DCDC1: variants seen among roughly 807,000 people sequenced by gnomAD.
The protein encoded by DCDC1 is doublecortin domain containing 1, also known as doublecortin domain-containing protein 1.
A neutral mutation model predicts 178.3 loss-of-function variants in DCDC1; 200 were observed. The ratio of observed to expected loss-of-function variants is 1.12; its 90% CI spans 1.00 to 1.26. The LOEUF (loss-of-function observed/expected upper bound fraction) is 1.26. DCDC1 is among the 50% of genes most tolerant of loss of function. The pLI is 0.00. For synonymous variants in DCDC1, 690 were observed against 604.8 expected (o/e 1.14, Z -2.07); for missense variants, 1,983 against 1,749.2 (o/e 1.13, Z -2.38).
chr11:30,924,496 T>G (rs1351503515), intron 23 of DCDC1, among the ~76,000 whole-genome samples: 1 of 152,152 alleles, frequency 6.6e-6, no homozygotes, highest in African/African-American at 2.4e-5. Flanking sequence ...TGCCTCAAAT[T>G]CTATAAATGA....
At chr11:30,975,634 A>G (rs976693367) in intron 20 of DCDC1, among the ~76,000 whole-genome samples, 1 of 152,046 alleles carries the variant, frequency 6.6e-6, no homozygotes, top group Non-Finnish European at 1.5e-5. Flanking sequence ...ATAAAATAAA[A>G]TACCTAGCAA....
At chr11:31,027,990 C>T (rs146256730) in intron 20 of DCDC1, among the ~76,000 whole-genome samples, 3 of 151,800 alleles carry the variant, frequency 2.0e-5, no homozygotes, top group East Asian at 3.9e-4. Context: ...TATTATTACA[C>T]TCAAGATTTA....
chr11:30,960,041 G>C (rs944191544), intron 20 of DCDC1, among the ~76,000 whole-genome samples: 11 of 152,044 alleles, frequency 7.2e-5, no homozygotes, highest in African/African-American at 2.7e-4. Flanking sequence ...AAAAGACACG[G>C]GTGAGGAGCA....
rs772901738 is a variant in DCDC1, at chr11:31,106,970, G to A, written c.1588-10C>T. 1 of 763,406 alleles carries A rather than the reference G, an allele frequency of 1.3e-6. No individual in the cohort carries two copies. The highest frequency in any genetic ancestry group is 1.3e-5 in the South Asian group (1 of 74,224). 47.3% of individuals were successfully genotyped at this position (763,406 alleles called of 1,614,324 possible). A position where few individuals can be genotyped will look rare whatever the true frequency, so the allele number is the denominator to read the frequency against. ...GAATCTTGAGAAGTAACTGGTTGGG[G>A]GTTAGAGGGGCAGAGGGGATAGAGG... On this transcript the variant is annotated splice_polypyrimidine_tract_variant and intron_variant, in intron 12 of 38. Coordinates refer to ENST00000684477, the MANE Select transcript of DCDC1 (RefSeq NM_001387274.1).
intron 9 of DCDC1, among the ~76,000 whole-genome samples, chr11:31,223,795 CAT>C (rs1316231460): frequency 6.6e-6 from 1 of 151,946 alleles, no homozygotes; most frequent in Admixed American, 6.6e-5. Context: ...AGGCAAAACA[CAT>C]ATATATGTAA....
At chr11:30,925,124 C>T (rs1259783541) in intron 23 of DCDC1, among the ~76,000 whole-genome samples, 185 bp downstream of exon 23, 1 of 151,300 alleles carries the variant, frequency 6.6e-6, no homozygotes, top group African/African-American at 2.4e-5. Flanking sequence ...CCATGCCAGA[C>T]ATATAGGAAG....
chr11:31,307,750 T>A lies in DCDC1; in HGVS notation c.323A>T (p.His108Leu). The change falls in exon 4 of 39, where the codon CAT becomes CTT. Residue 108 changes from histidine to leucine, a missense_variant. Physicochemically the swap from His to Leu is moderately conservative, Grantham distance 99 (BLOSUM62 -3). Transcript: ENST00000684477. ...STHQTASDHS[H>L]DEISDLDSYK... ...GCTATCTAGGTCTGATATTTCATCATGGCTGTGATCTGATGCTGTTTGATG... is the reference window on the plus strand; with the variant it reads ...GCTATCTAGGTCTGATATTTCATCAAGGCTGTGATCTGATGCTGTTTGATG... The A allele has an allele frequency of 6.2e-7, 1 of 1,614,172 alleles. No individual in the cohort carries two copies.
chr11:31,028,625 T>C (rs891585735), intron 20 of DCDC1, among the ~76,000 whole-genome samples: 1 of 152,044 alleles, frequency 6.6e-6, no homozygotes, highest in African/African-American at 2.4e-5. Context: ...CTAGCAAATT[T>C]GAAATGTGGA....
chr11:31,002,866 A>G (rs111791535), intron 20 of DCDC1, among the ~76,000 whole-genome samples: 104 of 152,258 alleles, frequency 6.8e-4, no homozygotes, highest in African/African-American at 2.5e-3. Flanking sequence ...TTCTGTAACA[A>G]TGTAGAATAG....
At chr11:31,207,831 A>G (rs1432223040) in intron 9 of DCDC1, among the ~76,000 whole-genome samples, 1 of 152,116 alleles carries the variant, frequency 6.6e-6, no homozygotes, top group African/African-American at 2.4e-5. Context: ...ACACCGTCCA[A>G]AGTGTTCTTG....
At chr11:31,017,126 G>A (rs1303448519) in intron 20 of DCDC1, among the ~76,000 whole-genome samples, 1 of 152,080 alleles carries the variant, frequency 6.6e-6, no homozygotes, top group Non-Finnish European at 1.5e-5. Context: ...ACACAAAACA[G>A]GAGAAGTAAA....
chr11:31,133,279 C>A (rs1396725679), intron 10 of DCDC1, among the ~76,000 whole-genome samples: 1 of 152,188 alleles, frequency 6.6e-6, no homozygotes, highest in Non-Finnish European at 1.5e-5. Context: ...TTGCACAGAA[C>A]TGTCACTTGA....
intron 20 of DCDC1, among the ~76,000 whole-genome samples, chr11:30,975,850 A>C (rs1950073457): frequency 6.6e-6 from 1 of 151,984 alleles, no homozygotes; most frequent in Non-Finnish European, 1.5e-5. Context: ...TTACAGAAAT[A>C]GAAAAAAAAT....
rs146471606 is a variant in DCDC1 at position 31,287,918 on chromosome 11, T to A, written c.960+2729A>T. On this transcript the variant is annotated intron_variant, in intron 7 of 38. Coordinates refer to ENST00000684477, the MANE Select transcript of DCDC1 (RefSeq NM_001387274.1). ...GCAAGAGGACAGCGTTTTTTTTTTTTTTATTGTTACATTCATTTCATTATC... is the reference window on the plus strand; with the variant it reads ...GCAAGAGGACAGCGTTTTTTTTTTTATTATTGTTACATTCATTTCATTATC... Among the ~76,000 whole-genome samples the A allele has an allele frequency of 2.7e-3, 414 of 151,616 alleles. 2 individuals are homozygous for A. The highest frequency in any genetic ancestry group is 9.5e-3 in the African/African-American group (393 of 41,456).
chr11:30,905,537 AC>A, intron 30 of DCDC1, among the ~76,000 whole-genome samples: 1 of 152,300 alleles, frequency 6.6e-6, no homozygotes. Flanking sequence ...GGATGATTCC[AC>A]CATATGGTGG....
At chr11:31,304,573 T>G (rs1156637064) in intron 6 of DCDC1, among the ~76,000 whole-genome samples, 3 of 152,162 alleles carry the variant, frequency 2.0e-5, no homozygotes, top group African/African-American at 4.8e-5. Flanking sequence ...ATTGCTTATT[T>G]CCTGAAGATC....
At chr11:31,356,932 G>T (rs1176582531) in intron 1 of DCDC1, among the ~76,000 whole-genome samples, 1 of 152,202 alleles carries the variant, frequency 6.6e-6, no homozygotes, top group Non-Finnish European at 1.5e-5. Flanking sequence ...AGCTGAAATT[G>T]TGGCAATAAT....
In DCDC1 at chr11:31,307,660, C is replaced by T; in HGVS notation, c.413G>A (p.Ser138Asn). Residue 138 changes from serine to asparagine, a missense_variant, in exon 4 of 39, where the codon AGT (serine) becomes AAT (asparagine). Coordinates refer to ENST00000684477, the MANE Select transcript of DCDC1 (RefSeq NM_001387274.1). ...ISASKRNRPV[S>N]APVGQLRVAE... ...TTACCTCAGTTGACCCACTGGAGCA[C>T]TGACAGGTCTGTTTCTCTTGGATGC... 1 of 1,614,044 alleles carries T rather than the reference C, an allele frequency of 6.2e-7. No homozygotes were observed. The highest frequency in any genetic ancestry group is 8.5e-7 in the Non-Finnish European group (1 of 1,179,940).
At chr11:31,192,881 T>G (rs1565411265) in intron 9 of DCDC1, among the ~76,000 whole-genome samples, 1 of 152,094 alleles carries the variant, frequency 6.6e-6, no homozygotes, top group African/African-American at 2.4e-5. Flanking sequence ...CACTCATCAA[T>G]GTAAGTGATC....
Sources: gnomAD v4.1 joint callset for allele counts (sites outside exome capture counted in the v4.1 genomes callset) on GRCh38, gnomAD v4.1.1 for gene constraint, MANE v1.5 for transcripts, NCBI Gene and HGNC (gene_info 2026-07-23, HGNC 2026-07-21) for gene names.